Variants in SEC24A observed in about 807,000 individuals in gnomAD.
SEC24A encodes the protein SEC24 homolog A, COPII component.
Under a neutral mutation model 129.4 loss-of-function variants are expected in SEC24A, and 93 were observed. The ratio of observed to expected loss-of-function variants is 0.72; its 90% CI spans 0.61 to 0.85. SEC24A has a LOEUF of 0.85. SEC24A is among the 40% of genes least tolerant of loss of function. SEC24A has a pLI of 0.00. For synonymous variants in SEC24A, 460 were observed against 467.3 expected, an observed-to-expected ratio of 0.98 and a Z score of 0.20; for missense variants, 1,264 against 1,307.4, an observed-to-expected ratio of 0.97 and a Z score of 0.51.
At chr5:134,664,619 C>T (rs1356305088) in intron 2 of SEC24A, among the ~76,000 whole-genome samples, 1 of 151,958 alleles carries the variant, frequency 6.6e-6, no homozygotes, top group East Asian at 1.9e-4. Flanking sequence ...CTGAGTTGGC[C>T]ATGTACCTTG....
Position 134,692,651 on chromosome 5 carries a change from TA to T in SEC24A, c.1776del (p.Glu593SerfsTer7). On this transcript the variant is annotated frameshift_variant, in exon 12 of 23. Transcript: ENST00000398844. LOFTEE classifies it high-confidence loss of function. ...ENLLVNLNES[K>X]ELVQDLLKTL... ...ACTTATTAGTAAACTTAAATGAAAG[TA>T]AAGAGGTAAGGCACATTTTCCTACC... 1 of 1,424,400 alleles carries T rather than the reference TA, an allele frequency of 7.0e-7. No homozygotes were observed. Among genetic ancestry groups the T allele is most frequent in the Non-Finnish European group, 9.9e-7 (1 of 1,010,772 alleles). The allele number at this position is 1,424,400 out of a possible 1,614,324, so 88.2% of individuals were successfully genotyped here.
Position 134,692,970 on chromosome 5 carries a change from C to A in SEC24A, c.1779+313C>A. On this transcript the variant is annotated intron_variant, in intron 12 of 22. Transcript: ENST00000398844. ...GGGTTGCTGAGATAAAGCTTCTGGTCACTACATAGAAGCACATTAGGTAGG... is the reference window on the plus strand; with the variant it reads ...GGGTTGCTGAGATAAAGCTTCTGGTAACTACATAGAAGCACATTAGGTAGG... 3 of 1,346,372 alleles carry A rather than the reference C, an allele frequency of 2.2e-6. No individual in the cohort carries two copies. The South Asian group carries it at 3.8e-5, about 17-fold the overall frequency. 83.4% of individuals were successfully genotyped at this position (1,346,372 alleles called of 1,614,324 possible).
chr5:134,650,672 G>A (rs1337949743), intron 1 of SEC24A, among the ~76,000 whole-genome samples: 1 of 151,644 alleles, frequency 6.6e-6, no homozygotes, highest in Non-Finnish European at 1.5e-5. Flanking sequence ...CCAAAGTGCT[G>A]TAATTACAGG....
intron 4 of SEC24A, among the ~76,000 whole-genome samples, chr5:134,673,376 T>G (rs1473810767): frequency 6.6e-6 from 1 of 151,552 alleles, no homozygotes; most frequent in Non-Finnish European, 1.5e-5. Context: ...TTAAAGTTGT[T>G]TTGAATTAAA....
intron 1 of SEC24A, among the ~76,000 whole-genome samples, chr5:134,650,221 G>A (rs1749999536): frequency 6.6e-6 from 1 of 152,160 alleles, no homozygotes; most frequent in Admixed American, 6.6e-5. Context: ...CACTGAAAGG[G>A]TACTGAGTTA....
Position 134,697,122 on chromosome 5 carries a change from A to G in SEC24A, c.1987-4A>G, listed in dbSNP as rs1409911573. The G allele has an allele frequency of 1.4e-6, 2 of 1,438,322 alleles. No individual in the cohort carries two copies. Among genetic ancestry groups the G allele is most frequent in the Non-Finnish European group, 1.9e-6 (2 of 1,047,690 alleles). The allele number at this position is 1,438,322 out of a possible 1,614,324, so 89.1% of individuals were successfully genotyped here. A position where few individuals can be genotyped will look rare whatever the true frequency, so the allele number is the denominator to read the frequency against. ...AATGTCTCTTTATAATTTATTATAA[A>G]TAGGATATACACATGACACCATCCA... On this transcript the variant is annotated splice_region_variant and splice_polypyrimidine_tract_variant and intron_variant, in intron 13 of 22. Coordinates refer to ENST00000398844, the MANE Select transcript of SEC24A (RefSeq NM_021982.3).
chr5:134,678,495 G>A (rs1751145653), intron 7 of SEC24A, among the ~76,000 whole-genome samples: 1 of 151,184 alleles, frequency 6.6e-6, no homozygotes, highest in African/African-American at 2.4e-5. Context: ...GGCTGTTGCT[G>A]TGTTGCTCAG....
intron 4 of SEC24A, among the ~76,000 whole-genome samples, chr5:134,672,092 A>G (rs546697255): frequency 6.9e-4 from 105 of 152,260 alleles, no homozygotes; most frequent in Non-Finnish European, 8.7e-4. Context: ...ATCATGGCTC[A>G]CTGCAGCCTC....
chr5:134,710,859 G>T (rs1041195860), intron 18 of SEC24A, among the ~76,000 whole-genome samples: 1 of 152,180 alleles, frequency 6.6e-6, no homozygotes, highest in Admixed American at 6.5e-5. Context: ...GTGTTGGCCG[G>T]CCATGGTGGC....
chr5:134,651,865 A>G (rs1750065524), intron 1 of SEC24A, among the ~76,000 whole-genome samples: 1 of 151,924 alleles, frequency 6.6e-6, no homozygotes, highest in South Asian at 2.1e-4. Flanking sequence ...AAACGTTTCA[A>G]TGCTGGGATC....
chr5:134,712,962 C>T (rs1324463602), intron 18 of SEC24A, among the ~76,000 whole-genome samples: 6 of 119,220 alleles, frequency 5.0e-5, no homozygotes, highest in Non-Finnish European at 8.2e-5. Flanking sequence ...GACAGAGTCT[C>T]GCTCTGTCGC....
chr5:134,719,108 A>G (rs188980523), intron 20 of SEC24A, among the ~76,000 whole-genome samples: 14 of 152,326 alleles, frequency 9.2e-5, no homozygotes, highest in African/African-American at 2.9e-4. Context: ...TTGTCCGGGC[A>G]TGGTGGCTTA....
chr5:134,666,501 G>A (rs773460963), intron 2 of SEC24A, among the ~76,000 whole-genome samples: 33 of 151,962 alleles, frequency 2.2e-4, no homozygotes, highest in Non-Finnish European at 4.3e-4. Flanking sequence ...AGGTTGCAGT[G>A]AACTGAGATA....
chr5:134,723,813 T>C (rs1580746807), intron 22 of SEC24A, 143 bp downstream of exon 22: 2 of 580,132 alleles, frequency 3.4e-6, no homozygotes, highest in Non-Finnish European at 6.1e-6. Flanking sequence ...TATCCAATGA[T>C]TGGAAATACA....
chr5:134,666,709 T>C (rs1006214310), intron 2 of SEC24A, 114 bp from the exon 3 acceptor site: 22 of 791,278 alleles, frequency 2.8e-5, no homozygotes, highest in Admixed American at 9.5e-5. Context: ...TGGTAACTCT[T>C]TGGTTATTAT....
chr5:134,688,214 C>A lies in SEC24A; in HGVS notation c.1638C>A (p.Phe546Leu). The change falls in exon 11 of 23, where the codon TTC becomes TTA. Residue 546 changes from phenylalanine to leucine, a missense_variant. By Grantham distance (22) the Phe-to-Leu change is conservative. Coordinates refer to ENST00000398844, the MANE Select transcript of SEC24A (RefSeq NM_021982.3). ...LPGNTRTKIGFITFDSTIHFY... is the reference protein window; with the variant it reads ...LPGNTRTKIGLITFDSTIHFY... ...GCAACACTAGAACAAAAATTGGCTT[C>A]ATAACATTTGACAGTACAATCCATT... The A allele has an allele frequency of 6.2e-7, 1 of 1,612,988 alleles. No individual in the cohort carries two copies. The highest frequency in any genetic ancestry group is 8.5e-7 in the Non-Finnish European group (1 of 1,179,184).
chr5:134,711,923 A>AT (rs1752339255), intron 18 of SEC24A, among the ~76,000 whole-genome samples: 1 of 151,858 alleles, frequency 6.6e-6, no homozygotes, highest in African/African-American at 2.4e-5. Context: ...AATTTTTTGT[A>AT]TTTTTAGTAG....
chr5:134,686,441 T>C (rs1281927779), intron 9 of SEC24A, among the ~76,000 whole-genome samples: 1 of 152,176 alleles, frequency 6.6e-6, no homozygotes, highest in Admixed American at 6.6e-5. Context: ...TTCGCCATGT[T>C]GGTCACGCTG....
chr5:134,651,336 C>G (rs896813664), intron 1 of SEC24A, among the ~76,000 whole-genome samples: 1 of 149,594 alleles, frequency 6.7e-6, no homozygotes, highest in Non-Finnish European at 1.5e-5. Flanking sequence ...ACTCTGTTGC[C>G]CAGGCTGGAG....
Sources: gnomAD v4.1 joint callset for allele counts (sites outside exome capture counted in the v4.1 genomes callset) on GRCh38, gnomAD v4.1.1 for gene constraint, MANE v1.5 for transcripts, NCBI Gene and HGNC (gene_info 2026-07-23, HGNC 2026-07-21) for gene names.